The following KHDRBS3 variants were observed in gnomAD, a reference collection of about 807,000 sequenced individuals.
The protein encoded by KHDRBS3 is KH RNA binding domain containing, signal transduction associated 3, also known as KH domain-containing, RNA-binding, signal transduction-associated protein 3.
A neutral mutation model predicts 45.6 loss-of-function variants in KHDRBS3; 23 were observed. That is an observed-to-expected ratio of 0.50 (90% CI 0.36 to 0.72). KHDRBS3 has a LOEUF of 0.72. KHDRBS3 is among the 30% of genes least tolerant of loss of function. KHDRBS3 has a pLI of 0.00. For synonymous variants in KHDRBS3, 162 were observed against 156.5 expected (o/e 1.04, Z -0.26); for missense variants, 352 against 424.8 (o/e 0.83, Z 1.51).
At chr8:135,653,652 T>G (rs1831473387) in intron 4 of KHDRBS3, among the ~76,000 whole-genome samples, 1 of 152,222 alleles carries the variant, frequency 6.6e-6, no homozygotes, top group African/African-American at 2.4e-5. Context: ...AGGCCTTGTG[T>G]TCGATGATTC....
At chr8:135,595,889 A>G (rs1457596284) in intron 6 of KHDRBS3, among the ~76,000 whole-genome samples, 1 of 152,224 alleles carries the variant, frequency 6.6e-6, no homozygotes, top group African/African-American at 2.4e-5. Flanking sequence ...AGACATGGAC[A>G]ATAAATAATA....
At chr8:135,550,505 A>G (rs1453413271) in intron 4 of KHDRBS3, among the ~76,000 whole-genome samples, 1 of 152,186 alleles carries the variant, frequency 6.6e-6, no homozygotes, top group East Asian at 1.9e-4. Context: ...TCAGTACCTT[A>G]GTACCATTGT....
chr8:135,481,335 A>G (rs1212049760), intron 1 of KHDRBS3, among the ~76,000 whole-genome samples: 1 of 145,978 alleles, frequency 6.9e-6, no homozygotes, highest in Non-Finnish European at 1.5e-5. Flanking sequence ...TCATATTCTT[A>G]TGGACTCAGT....
Position 135,581,980 on chromosome 8 carries a change from A to C in KHDRBS3, c.714A>C (p.Gly238=). 6.2e-7 allele frequency: 1 copy of C among 1,613,440 alleles called. No homozygotes were observed. Among genetic ancestry groups the C allele is most frequent in the Non-Finnish European group, 8.5e-7 (1 of 1,179,694 alleles). Residue 238 remains glycine (G), a synonymous_variant, in exon 6 of 9, where the codon GGA becomes GGC. Coordinates refer to ENST00000355849, the MANE Select transcript of KHDRBS3 (RefSeq NM_006558.3). The part of the protein sequence containing the change: ...VLSTRGPVSR[G]RGLLTPRARG... ...CCACCCGAGGGCCAGTGAGTCGGGG[A>C]AGAGGACTTCTCACTCCCAGAGCAA...
In KHDRBS3 at chr8:135,627,159, G is replaced by A. The variant is rs1012833504; in HGVS notation, c.891-17900G>A. Among the ~76,000 whole-genome samples, 6 of 152,158 alleles carry A rather than the reference G, an allele frequency of 3.9e-5. No individual in the cohort carries two copies. In the East Asian group the frequency reaches 7.7e-4, roughly 20 times the overall value. On this transcript the variant is annotated intron_variant, in intron 7 of 8. Transcript: ENST00000355849. Reference sequence around the variant, plus strand: ...GATGTTTTAGTTTTCTCTCATGCAAGGATGTAATCAGCTCCAAGCTCACGT... The same window carrying A: ...GATGTTTTAGTTTTCTCTCATGCAAAGATGTAATCAGCTCCAAGCTCACGT...
intron 2 of KHDRBS3, chr8:135,539,859 G>A (rs1224356178): frequency 6.6e-6 from 1 of 152,134 alleles, no homozygotes; most frequent in Non-Finnish European, 1.5e-5. Flanking sequence ...CAGAAGTTAA[G>A]TGGAAAAAAG....
chr8:135,565,463 A>G (rs1408635719), intron 5 of KHDRBS3, among the ~76,000 whole-genome samples: 1 of 152,182 alleles, frequency 6.6e-6, no homozygotes, highest in African/African-American at 2.4e-5. Context: ...ATTCCTCCAA[A>G]CAGTGTTGCT....
chr8:135,579,725 A>G (rs923306796), intron 5 of KHDRBS3, among the ~76,000 whole-genome samples: 1 of 152,174 alleles, frequency 6.6e-6, no homozygotes, highest in Non-Finnish European at 1.5e-5. Flanking sequence ...CTCTATTTAT[A>G]TGATCACATG....
intron 6 of KHDRBS3, among the ~76,000 whole-genome samples, chr8:135,593,028 G>A (rs553472023): frequency 1.4e-4 from 22 of 152,174 alleles, no homozygotes; most frequent in Middle Eastern, 6.8e-3. Context: ...TTGAGACCCC[G>A]TCTCTGCAAA....
chr8:135,640,741 C>T (rs1831026152), intron 7 of KHDRBS3, among the ~76,000 whole-genome samples: 1 of 152,164 alleles, frequency 6.6e-6, no homozygotes, highest in Non-Finnish European at 1.5e-5. Flanking sequence ...AGAGGGGCCT[C>T]CCTGATCCCT....
chr8:135,620,359 C>T (rs1177754455), intron 7 of KHDRBS3, among the ~76,000 whole-genome samples: 1 of 152,120 alleles, frequency 6.6e-6, no homozygotes, highest in Admixed American at 6.5e-5. Context: ...GCCTCAGCCT[C>T]CCAAAGTGCT....
At chr8:135,641,081 G>T (rs773492552) in intron 7 of KHDRBS3, among the ~76,000 whole-genome samples, 3 of 152,156 alleles carry the variant, frequency 2.0e-5, no homozygotes, top group Non-Finnish European at 4.4e-5. Flanking sequence ...GTTTTCACTT[G>T]TCAAAACTAA....
At chr8:135,600,936 A>G (rs754596020) in intron 6 of KHDRBS3, among the ~76,000 whole-genome samples, 2 of 152,202 alleles carry the variant, frequency 1.3e-5, no homozygotes, top group Non-Finnish European at 2.9e-5. Context: ...TCCTGGGCTC[A>G]AAACAGTCTG....
rs544120526 is a variant in KHDRBS3 at position 135,548,472 on chromosome 8, C to T, written c.325-282C>T. ...ACTGGAGAAGGTGAAGACACCCTAG[C>T]AGCGGAAGTGAGCAGATGATGGGGC... On this transcript the variant is annotated intron_variant, in intron 3 of 8. Transcript: ENST00000355849. Among the ~76,000 whole-genome samples the T allele has an allele frequency of 4.6e-5, 7 of 152,186 alleles. No homozygotes were observed. The South Asian group carries it at 1.5e-3, about 32-fold the overall frequency.
intron 4 of KHDRBS3, among the ~76,000 whole-genome samples, chr8:135,653,812 A>C (rs1308867309): frequency 6.6e-6 from 1 of 152,248 alleles, no homozygotes; most frequent in Non-Finnish European, 1.5e-5. Context: ...ACCCCATCCT[A>C]AGATGAGGAG....
At position 135,475,650 on chromosome 8, in the gene KHDRBS3, G is replaced by A. The variant is rs144545630; in HGVS notation, c.88+17696G>A. 5.2e-3 allele frequency among the ~76,000 whole-genome samples: 794 copies of A among 151,968 alleles called. 5 individuals are homozygous for A. The highest frequency in any genetic ancestry group is 0.018 in the African/African-American group (728 of 41,442). ...TTTAAATCTCAAATTATACATCAGC[G>A]GTCCTAGAGACATTAAGTGACTTGT... On this transcript the variant is annotated intron_variant, in intron 1 of 8. Coordinates refer to ENST00000355849, the MANE Select transcript of KHDRBS3 (RefSeq NM_006558.3).
intron 1 of KHDRBS3, among the ~76,000 whole-genome samples, chr8:135,480,908 A>C (rs1031033370): frequency 6.6e-6 from 1 of 152,066 alleles, no homozygotes; most frequent in African/African-American, 2.4e-5. Context: ...GGAATTATTA[A>C]TAATCCTGAT....
chr8:135,510,414 A>C (rs914201816), intron 1 of KHDRBS3, among the ~76,000 whole-genome samples: 3 of 152,180 alleles, frequency 2.0e-5, no homozygotes, highest in African/African-American at 7.2e-5. Flanking sequence ...GTTAAAGTGG[A>C]AAGTCCCTAG....
At chr8:135,520,834 A>G (rs148706347) in intron 1 of KHDRBS3, among the ~76,000 whole-genome samples, 130 of 152,348 alleles carry the variant, frequency 8.5e-4, no homozygotes, top group Non-Finnish European at 1.4e-3. Flanking sequence ...TCTTGGTTGT[A>G]GAAGCCTTGA....
Sources: gnomAD v4.1 joint callset for allele counts (sites outside exome capture counted in the v4.1 genomes callset) on GRCh38, gnomAD v4.1.1 for gene constraint, MANE v1.5 for transcripts, NCBI Gene and HGNC (gene_info 2026-07-23, HGNC 2026-07-21) for gene names.